The following SH3D19 variants were observed in gnomAD, a reference collection of about 807,000 sequenced individuals.
SH3D19 encodes the protein SH3 domain-containing protein 19.
SH3D19 carries 58 observed loss-of-function variants against 112.1 expected under a neutral mutation model. That is an observed-to-expected ratio of 0.52 (90% confidence interval 0.42 to 0.64). The LOEUF is 0.64. Among genes scored for constraint, SH3D19 ranks in the 30% least tolerant of loss-of-function variants. The pLI is 0.00. For synonymous variants in SH3D19, 391 were observed against 448.5 expected, an observed-to-expected ratio of 0.87 and a Z score of 1.62; for missense variants, 1,090 against 1,263.4, an observed-to-expected ratio of 0.86 and a Z score of 2.08.
intron 1 of SH3D19, among the ~76,000 whole-genome samples, chr4:151,244,232 C>T (rs1227318373): frequency 1.3e-5 from 2 of 151,202 alleles, no homozygotes; most frequent in Admixed American, 6.6e-5. Flanking sequence ...ACAACAAATA[C>T]ACAAAAAAAC....
At chr4:151,299,942 C>T (rs144906485) in intron 1 of SH3D19, among the ~76,000 whole-genome samples, 1,547 of 152,282 alleles carry the variant, frequency 0.01, 16 homozygotes, top group Non-Finnish European at 0.017. Context: ...TGGCTCACGC[C>T]TGTAATCCTA....
chr4:151,273,589 C>CAAAAAAAAAAAAAAA (rs60600816), intron 1 of SH3D19, among the ~76,000 whole-genome samples: 7 of 64,638 alleles, frequency 1.1e-4, no homozygotes, highest in Admixed American at 1.9e-4. Context: ...GACTCCATCT[C>CAAAAAAAAAAAAAAA]AAAAAAAAAA....
intron 2 of SH3D19, among the ~76,000 whole-genome samples, chr4:151,206,940 C>T (rs1765207641): frequency 6.6e-6 from 1 of 152,202 alleles, no homozygotes; most frequent in African/African-American, 2.4e-5. Context: ...CAGTGTTCAT[C>T]AGCATGCATA....
At chr4:151,156,651 C>T (rs538877563) in intron 9 of SH3D19, among the ~76,000 whole-genome samples, 2 of 152,298 alleles carry the variant, frequency 1.3e-5, no homozygotes, top group East Asian at 3.9e-4. Context: ...AACCCTCCCA[C>T]TCACTCTTTA....
At chr4:151,296,834 G>C (rs548884510) in intron 1 of SH3D19, among the ~76,000 whole-genome samples, 13 of 152,190 alleles carry the variant, frequency 8.5e-5, no homozygotes, top group Admixed American at 3.9e-4. Context: ...GTTATTTCCA[G>C]ATCTTTTTCA....
chr4:151,160,079 T>C (rs550159984), intron 8 of SH3D19, among the ~76,000 whole-genome samples: 2 of 151,612 alleles, frequency 1.3e-5, no homozygotes, highest in South Asian at 4.2e-4. Context: ...ATTCAATGTG[T>C]TTTATTTCTT....
chr4:151,321,251 T>C (rs1730501102), intron 1 of SH3D19, among the ~76,000 whole-genome samples: 1 of 152,112 alleles, frequency 6.6e-6, no homozygotes, highest in Admixed American at 6.5e-5. Flanking sequence ...TTTCCATGAA[T>C]GGGGGACTTT....
intron 2 of SH3D19, among the ~76,000 whole-genome samples, chr4:151,210,573 T>C (rs1431784166): frequency 1.3e-5 from 2 of 152,066 alleles, no homozygotes; most frequent in African/African-American, 4.8e-5. Flanking sequence ...GGCTAATTTT[T>C]TGTATTTTTT....
Position 151,174,858 on chromosome 4 carries a change from C to A in SH3D19, c.1346G>T (p.Arg449Leu). The change falls in exon 7 of 20, where the codon CGA (arginine) becomes CTA (leucine). Residue 449 changes from arginine to leucine, a missense_variant. By Grantham distance (102) the Arg-to-Leu change is moderately radical. Coordinates refer to ENST00000604030, the MANE Select transcript of SH3D19 (RefSeq NM_001378122.1). ...APLKPVTVPP[R>L]LAGASQAKAY... ...TTTGGCTTGTGATGCCCCTGCGAGT[C>A]GGGGAGGAACAGTGACAGGTTTCAG... 6.2e-7 allele frequency: 1 copy of A among 1,600,016 alleles called. No individual in the cohort carries two copies. The highest frequency in any genetic ancestry group is 8.5e-7 in the Non-Finnish European group (1 of 1,173,148).
At chr4:151,241,398 T>G (rs1770545625) in intron 1 of SH3D19, among the ~76,000 whole-genome samples, 1 of 151,992 alleles carries the variant, frequency 6.6e-6, no homozygotes, top group African/African-American at 2.4e-5. Context: ...TAGGTCTATT[T>G]ATAAAGACAG....
chr4:151,295,255 A>G (rs1775619350), intron 1 of SH3D19, among the ~76,000 whole-genome samples: 1 of 152,254 alleles, frequency 6.6e-6, no homozygotes. Flanking sequence ...GAATATGCAG[A>G]GGCCAGGAGG....
rs572648579 is a variant in SH3D19 at position 151,292,649 on chromosome 4, C to G, written c.112+32592G>C. 1.1e-4 allele frequency among the ~76,000 whole-genome samples: 16 copies of G among 152,342 alleles called. No individual in the cohort carries two copies. In the South Asian group the frequency reaches 1.4e-3, roughly 14 times the overall value. Reference sequence around the variant, plus strand: ...GCTAACTTTTGAACTCAATTACAATCATTATCTTCACCACAGATTTTCTGG... The same window carrying G: ...GCTAACTTTTGAACTCAATTACAATGATTATCTTCACCACAGATTTTCTGG... On this transcript the variant is annotated intron_variant, in intron 1 of 19. Transcript: ENST00000604030.
At chr4:151,296,599 G>A (rs1775732087) in intron 1 of SH3D19, among the ~76,000 whole-genome samples, 2 of 152,232 alleles carry the variant, frequency 1.3e-5, no homozygotes, top group South Asian at 4.1e-4. Context: ...GGAAATAATA[G>A]GGACACCTTT....
At chr4:151,291,050 C>A (rs930150912) in intron 1 of SH3D19, 2 of 1,237,344 alleles carry the variant, frequency 1.6e-6, no homozygotes, top group African/African-American at 1.5e-5. Flanking sequence ...GAATTCTCCA[C>A]CCCTTATTAC....
At chr4:151,221,057 G>A (rs370340424) in intron 2 of SH3D19, among the ~76,000 whole-genome samples, 1 of 152,242 alleles carries the variant, frequency 6.6e-6, no homozygotes, top group East Asian at 1.9e-4. Context: ...CTTTTGCTTG[G>A]GGTCTTAGTG....
Position 151,135,060 on chromosome 4 carries a change from CAAAT to C in SH3D19, c.2486+10_2486+13del. The stretch of plus-strand genomic sequence containing the variant: ...CCTTTGTATTTTGTGTAAAAGAACA[CAAAT>C]AAAACTTACTTAACACAATGAGATG... On this transcript the variant is annotated intron_variant, in intron 15 of 19. Coordinates refer to ENST00000604030, the MANE Select transcript of SH3D19 (RefSeq NM_001378122.1). 1.9e-6 allele frequency: 3 copies of C among 1,581,390 alleles called. No homozygotes were observed. The highest frequency in any genetic ancestry group is 2.6e-6 in the Non-Finnish European group (3 of 1,159,364).
At chr4:151,259,948 T>C (rs1191923362) in intron 1 of SH3D19, among the ~76,000 whole-genome samples, 2 of 152,326 alleles carry the variant, frequency 1.3e-5, no homozygotes, top group South Asian at 4.1e-4. Flanking sequence ...TACAGCAGCA[T>C]GCCTACACCT....
At chr4:151,186,738 G>C (rs1761839483) in intron 3 of SH3D19, among the ~76,000 whole-genome samples, 1 of 149,936 alleles carries the variant, frequency 6.7e-6, no homozygotes, top group African/African-American at 2.5e-5. Flanking sequence ...TGCCTGCCAG[G>C]ACTTAATATT....
chr4:151,165,449 T>C, intron 8 of SH3D19, 140 bp downstream of exon 8: 1 of 648,638 alleles, frequency 1.5e-6, no homozygotes, highest in Non-Finnish European at 2.6e-6. Flanking sequence ...CGAAGAATTG[T>C]GAAAAAACAA....
Sources: gnomAD v4.1 joint callset for allele counts (sites outside exome capture counted in the v4.1 genomes callset) on GRCh38, gnomAD v4.1.1 for gene constraint, MANE v1.5 for transcripts, NCBI Gene and HGNC (gene_info 2026-07-23, HGNC 2026-07-21) for gene names.